Variants in RASAL2 observed in about 807,000 individuals in gnomAD.
The protein encoded by RASAL2 is RAS protein activator like 2.
Under a neutral mutation model 128.9 loss-of-function variants are expected in RASAL2, and 58 were observed. The ratio of observed to expected loss-of-function variants is 0.45; its 90% CI spans 0.36 to 0.56. RASAL2 has a LOEUF of 0.56. RASAL2 is among the 20% of genes least tolerant of loss of function. The pLI is 0.00. For missense variants in RASAL2, 1,360 were observed against 1,601.6 expected (o/e 0.85, Z 2.57); for synonymous variants, 561 against 580.8 (o/e 0.97, Z 0.49).
chr1:178,446,957 G>A (rs1015725313), intron 9 of RASAL2, among the ~76,000 whole-genome samples: 1 of 152,196 alleles, frequency 6.6e-6, no homozygotes, highest in Non-Finnish European at 1.5e-5. Context: ...ACAGAACCAG[G>A]AATGTGTGGA....
chr1:178,381,156 A>AT (rs1474880620), intron 3 of RASAL2, among the ~76,000 whole-genome samples: 1 of 152,128 alleles, frequency 6.6e-6, no homozygotes, highest in Admixed American at 6.6e-5. Flanking sequence ...GGGCCAGGTG[A>AT]TTTTTTTCCT....
rs537466778 is a variant in RASAL2 at position 178,475,818 on chromosome 1, A to G, written c.*2579A>G. ...ATCTTGAATGAAGAAGAAATAGTAA[A>G]AAATAATAATAATAGAGCATTACCA... On this transcript the variant is annotated 3_prime_UTR_variant, in exon 18 of 18. Transcript: ENST00000367649. 14 of 152,350 alleles carry G rather than the reference A, an allele frequency of 9.2e-5. No individual in the cohort carries two copies. Among genetic ancestry groups the G allele is most frequent in the African/African-American group, 3.4e-4 (14 of 41,574 alleles). 9.4% of individuals were successfully genotyped at this position (152,350 alleles called of 1,614,324 possible). A position where few individuals can be genotyped will look rare whatever the true frequency, so the allele number is the denominator to read the frequency against.
chr1:178,226,342 A>C (rs1663786975), intron 1 of RASAL2, among the ~76,000 whole-genome samples: 1 of 152,100 alleles, frequency 6.6e-6, no homozygotes, highest in African/African-American at 2.4e-5. Flanking sequence ...TGTTGTTCTG[A>C]TTAAGAGAAG....
At chr1:178,365,683 G>A (rs1671362026) in intron 3 of RASAL2, among the ~76,000 whole-genome samples, 1 of 151,994 alleles carries the variant, frequency 6.6e-6, no homozygotes, top group South Asian at 2.1e-4. Flanking sequence ...ATGTTGGCCA[G>A]GCTGGTCTCG....
chr1:178,253,210 C>T (rs1665136201), intron 1 of RASAL2, among the ~76,000 whole-genome samples: 1 of 152,046 alleles, frequency 6.6e-6, no homozygotes, highest in Non-Finnish European at 1.5e-5. Context: ...TGTCACATGG[C>T]TGCCTTATTT....
intron 3 of RASAL2, among the ~76,000 whole-genome samples, chr1:178,342,095 T>C (rs1288856810): frequency 1.3e-5 from 2 of 152,192 alleles, no homozygotes; most frequent in Non-Finnish European, 2.9e-5. Flanking sequence ...GTTTGATCCA[T>C]AGACAGCAGT....
At chr1:178,199,919 G>A (rs910849342) in intron 1 of RASAL2, among the ~76,000 whole-genome samples, 7 of 152,276 alleles carry the variant, frequency 4.6e-5, no homozygotes, top group South Asian at 2.1e-4. Flanking sequence ...GCAGAAGATC[G>A]TGGAGAGATT....
chr1:178,121,892 C>A (rs933041717), intron 1 of RASAL2, among the ~76,000 whole-genome samples: 1 of 152,120 alleles, frequency 6.6e-6, no homozygotes, highest in Non-Finnish European at 1.5e-5. Flanking sequence ...TAGAAAAAAA[C>A]CTAACCCCAC....
chr1:178,376,066 GAC>G (rs1465019669), intron 3 of RASAL2, among the ~76,000 whole-genome samples: 1 of 152,082 alleles, frequency 6.6e-6, no homozygotes, highest in Non-Finnish European at 1.5e-5. Flanking sequence ...ACAAAGAGGA[GAC>G]ACAGAGCGAA....
At chr1:178,154,596 A>G (rs187161342) in intron 1 of RASAL2, among the ~76,000 whole-genome samples, 8 of 152,254 alleles carry the variant, frequency 5.3e-5, no homozygotes, top group African/African-American at 1.9e-4. Context: ...TAACCATTCT[A>G]TTGGGTGAAA....
At chr1:178,206,731 TTAACATTTTTTATA>T (rs1663063573) in intron 1 of RASAL2, among the ~76,000 whole-genome samples, 1 of 152,202 alleles carries the variant, frequency 6.6e-6, no homozygotes, top group Non-Finnish European at 1.5e-5. Flanking sequence ...AAGATCTATA[TTAACATTTTTTATA>T]ATGTTACTTC....
At chr1:178,404,098 C>T (rs571341697) in intron 4 of RASAL2, among the ~76,000 whole-genome samples, 3 of 151,364 alleles carry the variant, frequency 2.0e-5, no homozygotes, top group African/African-American at 7.3e-5. Context: ...TGGTGGTGGG[C>T]GCCTGTAATC....
At position 178,305,285 on chromosome 1, in the gene RASAL2, A is replaced by G. The variant is rs565883165; in HGVS notation, c.457+5167A>G. Among the ~76,000 whole-genome samples the G allele has an allele frequency of 7.9e-5, 12 of 152,308 alleles. No homozygotes were observed. In the South Asian group the frequency reaches 2.5e-3, roughly 32 times the overall value. On this transcript the variant is annotated intron_variant, in intron 3 of 17. Transcript: ENST00000367649. ...AATACCAATGACATTCTTCACAGAA[A>G]TAGAAAAAACAATACTAAAATTTAT...
chr1:178,156,374 A>G (rs1661084691), intron 1 of RASAL2, among the ~76,000 whole-genome samples: 1 of 152,198 alleles, frequency 6.6e-6, no homozygotes, highest in South Asian at 2.1e-4. Context: ...ACTTCTCATT[A>G]TATCAGGTAG....
intron 1 of RASAL2, among the ~76,000 whole-genome samples, chr1:178,248,005 A>G (rs769596378): frequency 6.6e-6 from 1 of 152,124 alleles, no homozygotes; most frequent in Non-Finnish European, 1.5e-5. Context: ...GGTCAATTTT[A>G]GAATAAGTGC....
intron 5 of RASAL2, among the ~76,000 whole-genome samples, chr1:178,430,373 A>G (rs1257089814): frequency 1.3e-5 from 2 of 152,150 alleles, no homozygotes; most frequent in Non-Finnish European, 2.9e-5. Flanking sequence ...ATCTAATTGC[A>G]TCATGATAAC....
intron 1 of RASAL2, among the ~76,000 whole-genome samples, chr1:178,148,388 T>C (rs1660800160): frequency 6.6e-6 from 1 of 152,150 alleles, no homozygotes; most frequent in African/African-American, 2.4e-5. Context: ...AGTAATTTTA[T>C]TAAACGCATA....
rs200932615 is a variant in RASAL2, at chr1:178,164,823, TTGTGTGTGTGTGTGTGTGTGTGTG to T, written c.202+70149_202+70172del. 3.4e-3 allele frequency among the ~76,000 whole-genome samples: 446 copies of T among 132,000 alleles called. 4 individuals are homozygous for T. Among genetic ancestry groups the T allele is most frequent in the African/African-American group, 0.012 (418 of 36,044 alleles). The allele number at this position is 132,000 out of a possible 152,430, so 86.6% of individuals were successfully genotyped here. A position where few individuals can be genotyped will look rare whatever the true frequency, so the allele number is the denominator to read the frequency against. ...AACATACGCTTTGTTCATCAAACGT[TTGTGTGTGTGTGTGTGTGTGTGTG>T]TGTGTGTGTGTGTGTGTGTATACAG... On this transcript the variant is annotated intron_variant, in intron 1 of 17. Transcript: ENST00000367649.
At chr1:178,114,060 GTGTTTTTTTT>G (rs1459820620) in intron 1 of RASAL2, among the ~76,000 whole-genome samples, 3 of 149,836 alleles carry the variant, frequency 2.0e-5, no homozygotes, top group East Asian at 3.9e-4. Flanking sequence ...ATTATTTCTA[GTGTTTTTTTT>G]TGTTTTGTTT....
Sources: gnomAD v4.1 joint callset for allele counts (sites outside exome capture counted in the v4.1 genomes callset) on GRCh38, gnomAD v4.1.1 for gene constraint, MANE v1.5 for transcripts, NCBI Gene and HGNC (gene_info 2026-07-23, HGNC 2026-07-21) for gene names.